Variants in CEP162 observed in about 807,000 individuals in gnomAD.
CEP162 encodes the protein centrosomal protein 162.
In CEP162, 141 loss-of-function variants were observed where a neutral mutation model predicts 169.2. That is an observed-to-expected ratio of 0.83 (90% confidence interval 0.73 to 0.96). The LOEUF (loss-of-function observed/expected upper bound fraction) is 0.96. CEP162 is among the 40% of genes least tolerant of loss of function. CEP162 has a pLI of 0.00. For synonymous variants in CEP162, 540 were observed against 526.4 expected (o/e 1.03, Z -0.35); for missense variants, 1,600 against 1,587.2 (o/e 1.01, Z -0.14).
intron 13 of CEP162, among the ~76,000 whole-genome samples, chr6:84,183,258 T>C (rs532238441): frequency 5.1e-4 from 77 of 152,252 alleles, no homozygotes; most frequent in African/African-American, 1.8e-3. Flanking sequence ...AGTCTTCATC[T>C]AGCAACCTCC....
At chr6:84,217,269 A>C (rs9449842) in intron 3 of CEP162, among the ~76,000 whole-genome samples, 5,744 of 152,314 alleles carry the variant, frequency 0.038, 342 homozygotes, top group African/African-American at 0.13. Context: ...GTACATTAGA[A>C]AACAGTTAAG....
At chr6:84,193,575 T>TC in intron 11 of CEP162, 34 bp downstream of exon 11, 1 of 1,318,384 alleles carries the variant, frequency 7.6e-7, no homozygotes, top group South Asian at 1.3e-5. Context: ...TATAAAAGTT[T>TC]CCAATGACAA....
At position 84,174,151 on chromosome 6, in the gene CEP162, C is replaced by T. The variant is rs774221615; in HGVS notation, c.2063G>A (p.Trp688Ter). The T allele has an allele frequency of 6.2e-7, 1 of 1,608,576 alleles. No homozygotes were observed. The highest frequency in any genetic ancestry group is 8.5e-7 in the Non-Finnish European group (1 of 1,176,912). ...SFEETNKKQR[W>*]LHFGEAADPV... ...ATCAGCTGCTTCTCCAAAATGTAAC[C>T]ACCTTTGTTTTTTGTTTGTTTCTTC... Residue 688 changes from tryptophan to a stop codon, truncating the protein, a stop_gained, in exon 16 of 27, where the codon TGG (tryptophan) becomes TAG (stop). Transcript: ENST00000403245. LOFTEE classifies it high-confidence loss of function.
In CEP162 at chr6:84,173,909, T is replaced by C. The variant is rs149181652; in HGVS notation, c.2166+139A>G. On this transcript the variant is annotated intron_variant, in intron 16 of 26. Transcript: ENST00000403245. ...CATGTTGGCCAGGCTGGTCTCGAAC[T>C]CCTGACCTCAGGTGATCCGCCCACC... The C allele has an allele frequency of 8.2e-3, 4,857 of 592,350 alleles. 182 individuals carry two copies. In the African/African-American group the frequency reaches 0.085, roughly 10 times the overall value. 36.7% of individuals were successfully genotyped at this position (592,350 alleles called of 1,614,324 possible).
intron 3 of CEP162, among the ~76,000 whole-genome samples, 180 bp downstream of exon 3, chr6:84,220,877 C>T (rs2099553458): frequency 6.6e-6 from 1 of 152,010 alleles, no homozygotes; most frequent in African/African-American, 2.4e-5. Flanking sequence ...AACGCAGATT[C>T]TCAATTACAT....
intron 25 of CEP162, among the ~76,000 whole-genome samples, chr6:84,127,834 A>G (rs1320597356): frequency 6.6e-6 from 1 of 152,184 alleles, no homozygotes; most frequent in African/African-American, 2.4e-5. Flanking sequence ...ATGGCCAATG[A>G]CTAGTGAGAT....
intron 23 of CEP162, 66 bp from the exon 24 acceptor site, chr6:84,149,769 A>G: frequency 4.5e-6 from 6 of 1,333,470 alleles, no homozygotes; most frequent in Non-Finnish European, 5.9e-6. Flanking sequence ...CAGAGTTAGC[A>G]CAAAAACAGT....
At chr6:84,157,588 C>A (rs1169975186) in intron 21 of CEP162, among the ~76,000 whole-genome samples, 1 of 151,974 alleles carries the variant, frequency 6.6e-6, no homozygotes, top group Non-Finnish European at 1.5e-5. Context: ...GGTGGGAGAA[C>A]TGCTTGGACC....
intron 18 of CEP162, among the ~76,000 whole-genome samples, chr6:84,164,763 C>G (rs7765400): frequency 0.07 from 10,621 of 151,970 alleles, 1,191 homozygotes; most frequent in African/African-American, 0.24. Context: ...TTAAAACCTA[C>G]ATGATAGGTT....
chr6:84,135,541 C>A (rs2129188350), intron 25 of CEP162, among the ~76,000 whole-genome samples: 1 of 152,246 alleles, frequency 6.6e-6, no homozygotes, highest in East Asian at 1.9e-4. Flanking sequence ...TAAACTGAAC[C>A]ACAAAATTAT....
Position 84,195,009 on chromosome 6 carries a change from T to A in CEP162, c.902A>T (p.His301Leu). 6.2e-7 allele frequency: 1 copy of A among 1,612,328 alleles called. No homozygotes were observed. Among genetic ancestry groups the A allele is most frequent in the South Asian group, 1.1e-5 (1 of 90,786 alleles). ...ALHQAYCHIA[H>L]SLGDEDKQKI... ...TTGTTTGTCTTCATCTCCCAATGAA[T>A]GGGCTATATGACAATAAGCTTGATG... The change falls in exon 10 of 27, where the codon CAT becomes CTT. Residue 301 changes from histidine (H) to leucine (L), a missense_variant. Coordinates refer to ENST00000403245, the MANE Select transcript of CEP162 (RefSeq NM_014895.4).
At chr6:84,151,073 A>G (rs1044866754) in intron 23 of CEP162, among the ~76,000 whole-genome samples, 1 of 152,160 alleles carries the variant, frequency 6.6e-6, no homozygotes, top group Non-Finnish European at 1.5e-5. Flanking sequence ...GGTAGTACTT[A>G]TAACAAGAAT....
At chr6:84,207,622 C>T (rs1293917174) in intron 6 of CEP162, among the ~76,000 whole-genome samples, 2 of 151,642 alleles carry the variant, frequency 1.3e-5, no homozygotes, top group Admixed American at 6.6e-5. Context: ...ATGTAAATGA[C>T]GAGTTAACGG....
intron 2 of CEP162, among the ~76,000 whole-genome samples, chr6:84,224,869 T>A (rs2099555106): frequency 6.6e-6 from 1 of 152,204 alleles, no homozygotes; most frequent in Admixed American, 6.5e-5. Context: ...AAATCATTCC[T>A]ATAAATTTAA....
rs776989958 is a variant in CEP162 at position 84,163,173 on chromosome 6, T to C, written c.2483A>G (p.Gln828Arg). 1.9e-6 allele frequency: 3 copies of C among 1,613,362 alleles called. No individual in the cohort carries two copies. In the African/African-American group the frequency reaches 4.0e-5, roughly 22 times the overall value. ...GACATAAGCAATCTGATCTTTGGCT[T>C]GGTCCCTCTCTTTCTTCATTTTTTC... is the stretch of plus-strand genomic sequence containing the variant. ...DFEKMKKERDQAKDQIAYVTG... is the reference protein window; with the variant it reads ...DFEKMKKERDRAKDQIAYVTG... The change falls in exon 19 of 27, where the codon CAA (glutamine) becomes CGA (arginine). Residue 828 changes from glutamine (Q) to arginine (R), a missense_variant. By Grantham distance (43) the Gln-to-Arg change is conservative. Coordinates refer to ENST00000403245, the MANE Select transcript of CEP162 (RefSeq NM_014895.4).
At chr6:84,152,494 A>G in intron 23 of CEP162, 51 bp downstream of exon 23, 1 of 1,058,742 alleles carries the variant, frequency 9.4e-7, no homozygotes, top group Non-Finnish European at 1.3e-6. Flanking sequence ...TAATTTTTCT[A>G]TTTTTATCTT....
intron 9 of CEP162, among the ~76,000 whole-genome samples, chr6:84,199,670 C>CCGGT (rs1338522725): frequency 2.0e-5 from 3 of 151,764 alleles, no homozygotes; most frequent in African/African-American, 4.8e-5. Context: ...GTTTAGTTAA[C>CCGGT]CAGTATCCAT....
intron 9 of CEP162, 39 bp downstream of exon 9, chr6:84,200,750 C>T: frequency 1.0e-6 from 1 of 971,298 alleles, no homozygotes; most frequent in South Asian, 1.3e-5. Context: ...ATAAAGCATT[C>T]CATATTTAGA....
intron 15 of CEP162, 111 bp from the exon 16 acceptor site, chr6:84,174,299 G>A (rs2099531415): frequency 2.3e-6 from 2 of 854,912 alleles, no homozygotes; most frequent in Admixed American, 5.8e-5. Flanking sequence ...TTATAATATT[G>A]AACATATTAG....
Sources: allele counts gnomAD v4.1 joint callset (sites outside exome capture counted in the v4.1 genomes callset), GRCh38; gene constraint gnomAD v4.1.1; transcripts MANE v1.5; gene names NCBI Gene and HGNC (gene_info 2026-07-23, HGNC 2026-07-21).